The following MGAT4C variants were observed in gnomAD, a reference collection of about 807,000 sequenced individuals.
MGAT4C encodes MGAT4 family member C.
A neutral mutation model predicts 40.1 loss-of-function variants in MGAT4C; 19 were observed. The observed-to-expected ratio is 0.47, with a 90% CI of 0.33 to 0.70. MGAT4C has a LOEUF of 0.70. Ranked by LOEUF, MGAT4C falls within the 30% of genes least tolerant of loss-of-function variation. The pLI, the probability that MGAT4C is intolerant of heterozygous loss-of-function variation, is 0.02. For missense variants in MGAT4C, 491 were observed against 563.2 expected, an observed-to-expected ratio of 0.87 and a Z score of 1.30; for synonymous variants, 181 against 187.1, an observed-to-expected ratio of 0.97 and a Z score of 0.27.
chr12:86,307,530 A>G (rs969857157), intron 4 of MGAT4C, among the ~76,000 whole-genome samples: 1 of 150,346 alleles, frequency 6.7e-6, no homozygotes, highest in Non-Finnish European at 1.5e-5. Flanking sequence ...GGGTGGAGAA[A>G]TGCTGTCTAT....
At chr12:86,037,578 G>A (rs1376635385) in intron 2 of MGAT4C, among the ~76,000 whole-genome samples, 1 of 150,044 alleles carries the variant, frequency 6.7e-6, no homozygotes, top group Admixed American at 6.7e-5. Context: ...AGGTTGTTTA[G>A]TTTCCATGTA....
chr12:86,547,715 A>C (rs1040912513), intron 2 of MGAT4C, among the ~76,000 whole-genome samples: 9 of 152,148 alleles, frequency 5.9e-5, no homozygotes, highest in Admixed American at 1.3e-4. Flanking sequence ...TCAGAACACA[A>C]AGTGGTGGAA....
chr12:85,994,871 A>G (rs1336630615), intron 2 of MGAT4C, among the ~76,000 whole-genome samples: 5 of 152,202 alleles, frequency 3.3e-5, no homozygotes, highest in Admixed American at 6.5e-5. Context: ...GGAAAACTGA[A>G]GATTAAAATT....
chr12:86,340,340 G>T (rs1954881916), intron 3 of MGAT4C, among the ~76,000 whole-genome samples: 1 of 152,070 alleles, frequency 6.6e-6, no homozygotes, highest in African/African-American at 2.4e-5. Flanking sequence ...GAAATTAGAA[G>T]ACGTTTTGCA....
At chr12:86,648,358 T>C (rs1963603773) in intron 2 of MGAT4C, among the ~76,000 whole-genome samples, 1 of 151,946 alleles carries the variant, frequency 6.6e-6, no homozygotes, top group South Asian at 2.1e-4. Context: ...TCAGAAAATA[T>C]GGTGAGCATA....
intron 1 of MGAT4C, among the ~76,000 whole-genome samples, chr12:86,232,101 C>T (rs1388940264): frequency 1.4e-5 from 2 of 147,164 alleles, no homozygotes; most frequent in Admixed American, 1.4e-4. Context: ...CGCCACCGTA[C>T]TCCAGCCTGG....
At chr12:86,307,075 T>C (rs1953951709) in intron 4 of MGAT4C, among the ~76,000 whole-genome samples, 1 of 150,570 alleles carries the variant, frequency 6.6e-6, no homozygotes, top group South Asian at 2.1e-4. Flanking sequence ...ATGTCCAGAA[T>C]TCTTCAATCA....
At chr12:86,185,128 C>T (rs1334853002) in intron 1 of MGAT4C, among the ~76,000 whole-genome samples, 1 of 152,014 alleles carries the variant, frequency 6.6e-6, no homozygotes, top group Admixed American at 6.6e-5. Flanking sequence ...AAATAAAAGC[C>T]AATTAGATTT....
At chr12:86,012,087 G>A (rs987478710) in intron 2 of MGAT4C, among the ~76,000 whole-genome samples, 4 of 152,078 alleles carry the variant, frequency 2.6e-5, no homozygotes, top group Admixed American at 6.5e-5. Flanking sequence ...TTGAAAAGTC[G>A]TAACTCATAT....
intron 3 of MGAT4C, among the ~76,000 whole-genome samples, chr12:86,416,391 A>C (rs1481587022): frequency 6.6e-6 from 1 of 152,046 alleles, no homozygotes; most frequent in Non-Finnish European, 1.5e-5. Context: ...TTTTAGAGAG[A>C]ATGCTGGAGA....
At chr12:86,465,187 A>T (rs956563033) in intron 2 of MGAT4C, among the ~76,000 whole-genome samples, 3 of 152,180 alleles carry the variant, frequency 2.0e-5, no homozygotes, top group African/African-American at 7.2e-5. Context: ...CAAAAAAATG[A>T]CTTGAGACAT....
chr12:86,671,116 G>A (rs927828050), intron 2 of MGAT4C, among the ~76,000 whole-genome samples: 6 of 152,098 alleles, frequency 3.9e-5, no homozygotes, highest in African/African-American at 1.4e-4. Context: ...TGTTAACATC[G>A]TTCTTGAATG....
intron 2 of MGAT4C, among the ~76,000 whole-genome samples, chr12:86,497,075 T>C (rs1338353924): frequency 6.6e-6 from 1 of 152,036 alleles, no homozygotes; most frequent in East Asian, 1.9e-4. Context: ...CTTTAGATAT[T>C]ACAAAAATGC....
intron 1 of MGAT4C, among the ~76,000 whole-genome samples, chr12:86,810,209 T>C (rs1952446045): frequency 6.6e-6 from 1 of 152,018 alleles, no homozygotes; most frequent in African/African-American, 2.4e-5. Context: ...ATCCTGAGTC[T>C]TAAAACATTT....
intron 2 of MGAT4C, among the ~76,000 whole-genome samples, chr12:86,659,292 T>C (rs936799216): frequency 1.3e-5 from 2 of 152,108 alleles, no homozygotes; most frequent in African/African-American, 2.4e-5. Context: ...GTAATTATTA[T>C]TCAGATGGAA....
intron 3 of MGAT4C, among the ~76,000 whole-genome samples, chr12:86,430,918 AAAATTCACAGAAGTGGG>A (rs1375655128): frequency 6.6e-6 from 1 of 152,200 alleles, no homozygotes; most frequent in East Asian, 1.9e-4. Flanking sequence ...TTGCTTCTTT[AAAATTCACAGAAGTGGG>A]AAGTTCCTTG....
chr12:86,572,656 T>C (rs1371604422), intron 2 of MGAT4C, among the ~76,000 whole-genome samples: 1 of 152,086 alleles, frequency 6.6e-6, no homozygotes, highest in Non-Finnish European at 1.5e-5. Flanking sequence ...CACAGTCCTC[T>C]TAATCTACAA....
chr12:86,375,051 T>C (rs1955798919), intron 3 of MGAT4C, among the ~76,000 whole-genome samples: 1 of 152,062 alleles, frequency 6.6e-6, no homozygotes, highest in Non-Finnish European at 1.5e-5. Context: ...GTCAGAATAT[T>C]CCCCCTTCAG....
chr12:85,991,700 G>A (rs1291156611), intron 2 of MGAT4C, among the ~76,000 whole-genome samples: 1 of 152,194 alleles, frequency 6.6e-6, no homozygotes, highest in Admixed American at 6.5e-5. Context: ...GTGCCTTGGG[G>A]GAACTCAGTG....
Sources: gnomAD v4.1 joint callset for allele counts (sites outside exome capture counted in the v4.1 genomes callset) on GRCh38, gnomAD v4.1.1 for gene constraint, MANE v1.5 for transcripts, NCBI Gene and HGNC (gene_info 2026-07-23, HGNC 2026-07-21) for gene names.